PCDH7: variants seen among roughly 807,000 people sequenced by gnomAD.
PCDH7 encodes the protein protocadherin-7.
In PCDH7, 17 loss-of-function variants were observed where a neutral mutation model predicts 58.9. The observed-to-expected ratio is 0.29, with a 90% CI of 0.20 to 0.43. The LOEUF (loss-of-function observed/expected upper bound fraction) is 0.43, where lower values mean the gene tolerates loss of function less well. Ranked by LOEUF, PCDH7 falls within the 20% of genes least tolerant of loss-of-function variation. The pLI is 1.00. For synonymous variants in PCDH7, 664 were observed against 616.4 expected, an observed-to-expected ratio of 1.08 and a Z score of -1.14; for missense variants, 1,274 against 1,441.0, an observed-to-expected ratio of 0.88 and a Z score of 1.88.
intron 1 of PCDH7, among the ~76,000 whole-genome samples, chr4:30,855,755 C>G (rs576919879): frequency 7.2e-5 from 11 of 152,178 alleles, no homozygotes; most frequent in African/African-American, 2.4e-4. Flanking sequence ...TTTCTTGTTG[C>G]AAAGCTAGGG....
chr4:31,142,736 G>A, exon 4 of PCDH7: 21 of 1,367,600 alleles, frequency 1.5e-5, no homozygotes, highest in Non-Finnish European at 2.0e-5. Flanking sequence ...CTTCAGTGCA[G>A]CTAGTTTCAG....
At chr4:30,749,956 A>G (rs1192647332) in intron 1 of PCDH7, among the ~76,000 whole-genome samples, 4 of 152,154 alleles carry the variant, frequency 2.6e-5, no homozygotes, top group Admixed American at 2.6e-4. Flanking sequence ...CTATTTACAC[A>G]GTTCTGGAGC....
chr4:31,144,813 A>C (rs1476821538), downstream of PCDH7: 1 of 152,160 alleles, frequency 6.6e-6, no homozygotes, highest in Non-Finnish European at 1.5e-5. Flanking sequence ...ATTGAAACAA[A>C]AAACATTGGA....
At chr4:31,109,649 G>T (rs1402358502) in intron 3 of PCDH7, among the ~76,000 whole-genome samples, 1 of 152,172 alleles carries the variant, frequency 6.6e-6, no homozygotes, top group Non-Finnish European at 1.5e-5. Context: ...CTTCTCACAA[G>T]TATAACCATT....
At chr4:30,966,906 T>C (rs1163284133) in intron 3 of PCDH7, among the ~76,000 whole-genome samples, 1 of 152,116 alleles carries the variant, frequency 6.6e-6, no homozygotes, top group Non-Finnish European at 1.5e-5. Context: ...AGAGTCTCCA[T>C]TTTAATTTCT....
chr4:30,725,838 C>A (rs1714542227), intron 1 of PCDH7, among the ~76,000 whole-genome samples: 1 of 151,974 alleles, frequency 6.6e-6, no homozygotes, highest in Admixed American at 6.6e-5. Context: ...GATATGAATT[C>A]TTAATTGCTT....
In PCDH7 at chr4:31,051,912, T is replaced by C. The variant is rs148001331; in HGVS notation, c.*8-90561T>C. On this transcript the variant is annotated intron_variant, in intron 3 of 3. Transcript: ENST00000509759. ...AGCAAATAATAGATGTCCTCTAATT[T>C]TGTGATATTTATCCTTGAATATTAT... 4.7e-3 allele frequency among the ~76,000 whole-genome samples: 708 copies of C among 152,210 alleles called. 2 individuals carry two copies. The highest frequency in any genetic ancestry group is 8.3e-3 in the Non-Finnish European group (566 of 67,998).
chr4:31,048,049 T>A (rs1254401395), intron 3 of PCDH7, among the ~76,000 whole-genome samples: 1 of 152,114 alleles, frequency 6.6e-6, no homozygotes, highest in Admixed American at 6.6e-5. Flanking sequence ...GTTATCTATA[T>A]GAGTATTTGT....
intron 1 of PCDH7, among the ~76,000 whole-genome samples, chr4:30,882,779 C>T (rs1265506986): frequency 1.3e-5 from 2 of 152,186 alleles, no homozygotes; most frequent in Non-Finnish European, 2.9e-5. Flanking sequence ...GCAATAGCTG[C>T]AATTACTTGA....
chr4:30,723,326 A>G lies in PCDH7; in HGVS notation c.1904A>G (p.Asn635Ser). Residue 635 changes from asparagine (N) to serine (S), a missense_variant, in exon 1 of 2, where the codon AAT (asparagine) becomes AGT (serine). Transcript: ENST00000361762. The surrounding 1 kb of genome is among the most constrained non-coding windows in gnomAD (Gnocchi z 4.6). ...GTGCAGGTGGCTGATAAAAATGACA[A>G]TGACCCTAAGTTTATGCAGGACGTC... 1.2e-6 allele frequency: 2 copies of G among 1,614,188 alleles called. No individual in the cohort carries two copies. The highest frequency in any genetic ancestry group is 1.3e-5 in the African/African-American group (1 of 75,060).
At chr4:30,809,863 A>C (rs1726752923) in intron 1 of PCDH7, among the ~76,000 whole-genome samples, 1 of 152,180 alleles carries the variant, frequency 6.6e-6, no homozygotes, top group Admixed American at 6.5e-5. Flanking sequence ...CCCTGGCCCC[A>C]GTGCTATAGC....
chr4:30,900,491 T>G (rs1160038512), intron 1 of PCDH7, among the ~76,000 whole-genome samples: 1 of 152,176 alleles, frequency 6.6e-6, no homozygotes, highest in East Asian at 1.9e-4. Context: ...AAAGATTTTC[T>G]TAAAGCACCA....
chr4:30,824,448 T>A (rs544166447), intron 1 of PCDH7, among the ~76,000 whole-genome samples: 2 of 152,160 alleles, frequency 1.3e-5, no homozygotes, highest in African/African-American at 2.4e-5. Context: ...GTATTAAACA[T>A]CCTTTTTGGA....
At chr4:30,982,311 A>G (rs2109111906) in intron 3 of PCDH7, among the ~76,000 whole-genome samples, 1 of 152,318 alleles carries the variant, frequency 6.6e-6, no homozygotes, top group Non-Finnish European at 1.5e-5. Context: ...TGTCTTTTTC[A>G]TGTGAATTTC....
rs891908865 is a variant in PCDH7 at position 31,017,753 on chromosome 4, C to T, written c.*7+67538C>T. 2.0e-5 allele frequency among the ~76,000 whole-genome samples: 3 copies of T among 146,800 alleles called. No homozygotes were observed. The East Asian group carries it at 5.8e-4, about 29-fold the overall frequency. ...AATAAAATTAATACTTAGCTCAAGG[C>T]GGGGATAGATAAAGAACTCTTTTTA... is the stretch of plus-strand genomic sequence containing the variant. On this transcript the variant is annotated intron_variant, in intron 3 of 3. Coordinates refer to the PCDH7 transcript ENST00000509759.
At chr4:31,065,247 C>A in intron 3 of PCDH7, among the ~76,000 whole-genome samples, 1 of 152,038 alleles carries the variant, frequency 6.6e-6, no homozygotes, top group Middle Eastern at 3.4e-3. Flanking sequence ...CAGCTTCAGT[C>A]TAGTGTACTT....
chr4:30,877,558 C>G (rs1303942921), intron 1 of PCDH7, among the ~76,000 whole-genome samples: 2 of 152,184 alleles, frequency 1.3e-5, no homozygotes, highest in Non-Finnish European at 2.9e-5. Context: ...GACAGATCAC[C>G]TATCCCTCTG....
chr4:31,123,090 A>G (rs1413440318), intron 3 of PCDH7, among the ~76,000 whole-genome samples: 1 of 152,090 alleles, frequency 6.6e-6, no homozygotes, highest in Non-Finnish European at 1.5e-5. Flanking sequence ...GATAAGCAAC[A>G]CTAAAATGTA....
chr4:30,917,022 G>A (rs1435735303), intron 1 of PCDH7, among the ~76,000 whole-genome samples: 1 of 152,122 alleles, frequency 6.6e-6, no homozygotes, highest in Non-Finnish European at 1.5e-5. Flanking sequence ...CAAAGTGACA[G>A]TTACATATAT....
Sources: allele counts gnomAD v4.1 joint callset (sites outside exome capture counted in the v4.1 genomes callset), GRCh38; gene constraint gnomAD v4.1.1; non-coding constraint Gnocchi (gnomAD v3.1); transcripts MANE v1.5; gene names NCBI Gene and HGNC (gene_info 2026-07-23, HGNC 2026-07-21).